ALK: variants seen among roughly 807,000 people sequenced by gnomAD.
ALK encodes ALK tyrosine kinase receptor.
ALK carries 74 observed loss-of-function variants against 163.1 expected under a neutral mutation model. That is an observed-to-expected ratio of 0.45 (90% CI 0.38 to 0.55). ALK has a LOEUF of 0.55. Among genes scored for constraint, ALK ranks in the 20% least tolerant of loss-of-function variants. The probability of loss-of-function intolerance (pLI) is 0.00; values close to 1 mark genes in which losing one functional copy is unlikely to be tolerated. For synonymous variants in ALK, 960 were observed against 843.2 expected, an observed-to-expected ratio of 1.14 and a Z score of -2.40; for missense variants, 2,063 against 2,105.3, an observed-to-expected ratio of 0.98 and a Z score of 0.39.
intron 1 of ALK, among the ~76,000 whole-genome samples, chr2:29,746,752 A>C (rs927689371): frequency 6.6e-6 from 1 of 152,194 alleles, no homozygotes; most frequent in African/African-American, 2.4e-5. Context: ...GCTACCTTTG[A>C]GATATCTGTT....
chr2:29,720,724 ACTGT>A (rs1291840441), intron 1 of ALK, among the ~76,000 whole-genome samples: 1 of 152,204 alleles, frequency 6.6e-6, no homozygotes, highest in Non-Finnish European at 1.5e-5. Flanking sequence ...GGGTCAAGAC[ACTGT>A]CTGTTCCCAT....
chr2:29,655,893 A>C (rs1677169773), intron 3 of ALK, among the ~76,000 whole-genome samples: 1 of 152,216 alleles, frequency 6.6e-6, no homozygotes. Flanking sequence ...GCTGATTGAC[A>C]TATGGTCATG....
At position 29,196,599 on chromosome 2, in the gene ALK, A is replaced by G. The variant is rs10199947; in HGVS notation, c.4164+171T>C. ...AAGTTACTAATATTTATTTTACAAA[A>G]TGGGCAAATGGAGACACCAGTCATT... is the stretch of plus-strand genomic sequence containing the variant. On this transcript the variant is annotated intron_variant, in intron 28 of 28. Transcript: ENST00000389048. Among the ~76,000 whole-genome samples, 902 of 152,346 alleles carry G rather than the reference A, an allele frequency of 5.9e-3. 13 individuals carry two copies. Among genetic ancestry groups the G allele is most frequent in the African/African-American group, 0.021 (858 of 41,574 alleles).
At chr2:29,238,743 C>T (rs1057240756) in intron 13 of ALK, among the ~76,000 whole-genome samples, 3 of 152,152 alleles carry the variant, frequency 2.0e-5, no homozygotes, top group East Asian at 1.9e-4. Context: ...GGCCCAGAAT[C>T]GCCTCCTCCT....
intron 1 of ALK, among the ~76,000 whole-genome samples, chr2:29,889,963 A>C (rs1667103422): frequency 1.3e-5 from 2 of 152,170 alleles, no homozygotes; most frequent in South Asian, 4.1e-4. Flanking sequence ...TTACAAAGAC[A>C]TTGTAGAGAA....
rs1680043390 is a variant in ALK at position 29,741,010 on chromosome 2, A to T, written c.668-23313T>A. On this transcript the variant is annotated intron_variant, in intron 1 of 28. Transcript: ENST00000389048. Reference sequence around the variant, plus strand: ...GAACAAGTCTCTGCCTCAGAAAAAAATAAAGTAAAATAAAAAAGAGAAATG... The same window carrying T: ...GAACAAGTCTCTGCCTCAGAAAAAATTAAAGTAAAATAAAAAAGAGAAATG... 1.3e-5 allele frequency among the ~76,000 whole-genome samples: 2 copies of T among 152,236 alleles called. 1 individual carries two copies. Among genetic ancestry groups the T allele is most frequent in the South Asian group, 4.1e-4 (2 of 4,832 alleles).
At chr2:29,579,517 G>C (rs911785229) in intron 3 of ALK, among the ~76,000 whole-genome samples, 1 of 152,186 alleles carries the variant, frequency 6.6e-6, no homozygotes, top group Non-Finnish European at 1.5e-5. Context: ...TATGTGCATT[G>C]TTATATGCAA....
At chr2:29,669,323 G>C (rs776523000) in intron 3 of ALK, among the ~76,000 whole-genome samples, 2 of 151,950 alleles carry the variant, frequency 1.3e-5, no homozygotes, top group African/African-American at 2.4e-5. Context: ...TCCTCTTCTT[G>C]AATTTGACCC....
At chr2:29,239,859 C>A (rs777533986) in intron 12 of ALK, 29 bp from the exon 13 acceptor site, 8 of 1,608,090 alleles carry the variant, frequency 5.0e-6, no homozygotes, top group Admixed American at 3.3e-5. Flanking sequence ...CGTTGGCTCC[C>A]GCTGTGGTAT....
At chr2:29,202,486 T>TA (rs979815541) in intron 26 of ALK, among the ~76,000 whole-genome samples, 1 of 152,262 alleles carries the variant, frequency 6.6e-6, no homozygotes, top group Admixed American at 6.5e-5. Context: ...TATGAAGACT[T>TA]AGAGACAGAA....
At chr2:29,351,214 T>C (rs1573268455) in intron 5 of ALK, among the ~76,000 whole-genome samples, 1 of 152,320 alleles carries the variant, frequency 6.6e-6, no homozygotes, top group East Asian at 1.9e-4. Context: ...AAAATACTTC[T>C]GTTCTTTTGG....
At chr2:29,619,140 G>C (rs1259513138) in intron 3 of ALK, among the ~76,000 whole-genome samples, 3 of 152,192 alleles carry the variant, frequency 2.0e-5, no homozygotes, top group Non-Finnish European at 4.4e-5. Flanking sequence ...AGTTTAGCTA[G>C]CTGACTTGCA....
chr2:29,647,155 T>C (rs2148250557), intron 3 of ALK, among the ~76,000 whole-genome samples: 1 of 152,326 alleles, frequency 6.6e-6, no homozygotes, highest in African/African-American at 2.4e-5. Context: ...CTGCTCCTAG[T>C]AATGGAAGTT....
intron 5 of ALK, among the ~76,000 whole-genome samples, chr2:29,359,507 A>G (rs1484868204): frequency 6.6e-6 from 1 of 152,214 alleles, no homozygotes; most frequent in Non-Finnish European, 1.5e-5. Context: ...AGACTGGGCC[A>G]AGTCATGGTA....
intron 25 of ALK, among the ~76,000 whole-genome samples, chr2:29,208,203 T>G (rs1324183555): frequency 6.6e-5 from 10 of 152,194 alleles, no homozygotes; most frequent in African/African-American, 2.4e-4. Flanking sequence ...TCATTCTACT[T>G]GAGGCAGGGG....
At chr2:29,544,986 A>G (rs909301156) in intron 3 of ALK, among the ~76,000 whole-genome samples, 5 of 152,236 alleles carry the variant, frequency 3.3e-5, no homozygotes, top group African/African-American at 1.2e-4. Context: ...TCTGTCCAGT[A>G]GAACACTCAC....
intron 5 of ALK, among the ~76,000 whole-genome samples, chr2:29,342,962 A>C (rs1353000284): frequency 7.0e-6 from 1 of 142,214 alleles, no homozygotes; most frequent in Non-Finnish European, 1.5e-5. Context: ...TGCCCGCTGC[A>C]AGCTCTGCCT....
rs1558550512 is a variant in ALK, at chr2:29,920,876, G to A, written c.-217C>T. The A allele has an allele frequency of 6.8e-6, 4 of 586,862 alleles. No homozygotes were observed. The Admixed American group carries it at 1.2e-4, about 18-fold the overall frequency. The allele number at this position is 586,862 out of a possible 1,614,324, so 36.4% of individuals were successfully genotyped here. On this transcript the variant is annotated 5_prime_UTR_variant, in exon 1 of 29. Transcript: ENST00000389048. ...AACAGACCTGGAAGCTCAGGGGCGA[G>A]TCCAGAGACACTCAAGCACACTGGG... is the stretch of plus-strand genomic sequence containing the variant.
intron 5 of ALK, among the ~76,000 whole-genome samples, chr2:29,375,194 G>C (rs1255035097): frequency 6.6e-6 from 1 of 152,214 alleles, no homozygotes; most frequent in Non-Finnish European, 1.5e-5. Context: ...GCCCAGAGAG[G>C]TTAAGTAGCT....
Sources: allele counts gnomAD v4.1 joint callset (sites outside exome capture counted in the v4.1 genomes callset), GRCh38; gene constraint gnomAD v4.1.1; transcripts MANE v1.5; gene names NCBI Gene and HGNC (gene_info 2026-07-23, HGNC 2026-07-21).